The following HSD11B1 variants were observed in gnomAD, a reference collection of about 807,000 sequenced individuals.
The protein encoded by HSD11B1 is hydroxysteroid 11-beta dehydrogenase 1.
Under a neutral mutation model 22.1 loss-of-function variants are expected in HSD11B1, and 15 were observed. The observed-to-expected ratio is 0.68, with a 90% confidence interval of 0.45 to 1.04. The LOEUF is 1.04. HSD11B1 is among the 50% of genes least tolerant of loss of function. HSD11B1 has a pLI of 0.00. For synonymous variants in HSD11B1, 122 were observed against 125.2 expected, an observed-to-expected ratio of 0.97 and a Z score of 0.17; for missense variants, 281 against 357.6, an observed-to-expected ratio of 0.79 and a Z score of 1.73.
chr1:209,708,433 G>A (rs954890980), intron 4 of HSD11B1, among the ~76,000 whole-genome samples: 1 of 152,192 alleles, frequency 6.6e-6, no homozygotes, highest in Non-Finnish European at 1.5e-5. Flanking sequence ...ATTGGATAAA[G>A]GGGCAGTGTG....
chr1:209,708,212 T>C (rs1463068074), intron 4 of HSD11B1, among the ~76,000 whole-genome samples: 1 of 152,192 alleles, frequency 6.6e-6, no homozygotes, highest in African/African-American at 2.4e-5. Context: ...CACATCTTTG[T>C]TGATTAGTCA....
chr1:209,702,785 G>A (rs1441507594), upstream of HSD11B1, among the ~76,000 whole-genome samples: 1 of 152,176 alleles, frequency 6.6e-6, no homozygotes, highest in Non-Finnish European at 1.5e-5. Flanking sequence ...GAGTATACAA[G>A]GGTCCTGAGA....
At chr1:209,714,680 T>C (rs2076919480) in intron 4 of HSD11B1, among the ~76,000 whole-genome samples, 2 of 152,166 alleles carry the variant, frequency 1.3e-5, no homozygotes, top group Non-Finnish European at 2.9e-5. Context: ...GTCTGATGCA[T>C]TGTCGAGCAT....
chr1:209,718,690 A>G (rs74636431), intron 4 of HSD11B1, among the ~76,000 whole-genome samples: 5,957 of 152,256 alleles, frequency 0.039, 540 homozygotes, highest in East Asian at 0.28. Context: ...AATTTAAAAT[A>G]GAATTATCAT....
intron 4 of HSD11B1, among the ~76,000 whole-genome samples, chr1:209,711,909 A>C (rs558747195): frequency 6.6e-6 from 1 of 152,220 alleles, no homozygotes; most frequent in South Asian, 2.1e-4. Context: ...AATTTAGTGC[A>C]GGTTGAGAAT....
In HSD11B1 at chr1:209,732,660, A is replaced by G. The variant is rs538425531; in HGVS notation, c.661+81A>G. 8 of 1,183,046 alleles carry G rather than the reference A, an allele frequency of 6.8e-6. 1 individual carries two copies. In the South Asian group the frequency reaches 9.7e-5, roughly 14 times the overall value. The allele number at this position is 1,183,046 out of a possible 1,614,324, so 73.3% of individuals were successfully genotyped here. A position where few individuals can be genotyped will look rare whatever the true frequency, so the allele number is the denominator to read the frequency against. On this transcript the variant is annotated intron_variant, in intron 5 of 5. Coordinates refer to ENST00000367027, the MANE Select transcript of HSD11B1 (RefSeq NM_005525.4). ...CATGTGCAGAACATGCAGGTTTGTT[A>G]CATATGTATGCATGTGCCATGTTGG...
chr1:209,697,850 A>C (rs1177972900), intron 1 of HSD11B1, among the ~76,000 whole-genome samples: 1 of 139,224 alleles, frequency 7.2e-6, no homozygotes, highest in East Asian at 2.2e-4. Flanking sequence ...CAAATTTCAG[A>C]TAAACAATGA....
At chr1:209,729,799 T>A (rs191144357) in intron 4 of HSD11B1, among the ~76,000 whole-genome samples, 1 of 152,336 alleles carries the variant, frequency 6.6e-6, no homozygotes, top group African/African-American at 2.4e-5. Context: ...GTAGGATTCA[T>A]CTTCAAGATG....
chr1:209,704,766 C>T (rs1055048657), upstream of HSD11B1: 1 of 604,940 alleles, frequency 1.7e-6, no homozygotes, highest in Non-Finnish European at 3.0e-6. Context: ...TGGGATCCCA[C>T]CCAAAGCCAA....
chr1:209,707,238 T>C, intron 4 of HSD11B1, 110 bp downstream of exon 4: 1 of 921,474 alleles, frequency 1.1e-6, no homozygotes, highest in East Asian at 2.5e-5. Flanking sequence ...TGCAGAGAAG[T>C]AATGAGGGAT....
chr1:209,697,832 G>A (rs1204438827), intron 1 of HSD11B1, among the ~76,000 whole-genome samples: 4 of 126,540 alleles, frequency 3.2e-5, no homozygotes, highest in Middle Eastern at 5.8e-3. Flanking sequence ...AGTTCACCCA[G>A]TTAAATCCAA....
chr1:209,732,686 T>C lies in HSD11B1; in HGVS notation c.661+107T>C, dbSNP rs141471144. On this transcript the variant is annotated intron_variant, in intron 5 of 5. Transcript: ENST00000367027. ...CATATGTATGCATGTGCCATGTTGG[T>C]GTGCTGCACCCATTAACTCGTCACT... 489 of 921,810 alleles carry C rather than the reference T, an allele frequency of 5.3e-4. 13 individuals carry two copies. Among genetic ancestry groups the C allele is most frequent in the South Asian group, 5.1e-3 (387 of 75,960 alleles). The allele number at this position is 921,810 out of a possible 1,614,324, so 57.1% of individuals were successfully genotyped here.
intron 1 of HSD11B1, among the ~76,000 whole-genome samples, chr1:209,697,883 C>CTTTTTTTTTTTTT (rs1558187212): frequency 1.8e-4 from 4 of 21,912 alleles, no homozygotes; most frequent in African/African-American, 3.3e-4. Flanking sequence ...TTTGTTTTTT[C>CTTTTTTTTTTTTT]CTTTTTTTTT....
chr1:209,704,230 T>G (rs781273944), upstream of HSD11B1, among the ~76,000 whole-genome samples: 9 of 152,214 alleles, frequency 5.9e-5, no homozygotes, highest in Non-Finnish European at 1.0e-4. Context: ...TATGATCCAT[T>G]GCACTTGCCT....
intron 4 of HSD11B1, among the ~76,000 whole-genome samples, chr1:209,710,084 C>T (rs2076885684): frequency 6.6e-6 from 1 of 151,924 alleles, no homozygotes; most frequent in African/African-American, 2.4e-5. Context: ...AAAGAGAATA[C>T]CTAAATAGCA....
chr1:209,712,558 A>G (rs1461643516), intron 4 of HSD11B1, among the ~76,000 whole-genome samples: 1 of 152,218 alleles, frequency 6.6e-6, no homozygotes, highest in Non-Finnish European at 1.5e-5. Flanking sequence ...GGACTTGAGT[A>G]TCTATGGATT....
At chr1:209,729,843 G>A (rs182921326) in intron 4 of HSD11B1, among the ~76,000 whole-genome samples, 1 of 152,282 alleles carries the variant, frequency 6.6e-6, no homozygotes, top group Admixed American at 6.5e-5. Context: ...ATCAATAAAT[G>A]TGATACATCA....
At chr1:209,697,902 T>TTTTTTTTTTTTTTTTTTTTTG (rs2076801416) in intron 1 of HSD11B1, among the ~76,000 whole-genome samples, 1 of 119,924 alleles carries the variant, frequency 8.3e-6, no homozygotes, top group Non-Finnish European at 1.8e-5. Flanking sequence ...TTTTTTTTTT[T>TTTTTTTTTTTTTTTTTTTTTG]TTTTTTTTTT....
chr1:209,688,027 T>A (rs932942272), intron 1 of HSD11B1, among the ~76,000 whole-genome samples: 4 of 152,220 alleles, frequency 2.6e-5, no homozygotes, highest in African/African-American at 7.2e-5. Flanking sequence ...TTTGCTCAAA[T>A]GCACAGAGGG....
Sources: gnomAD v4.1 joint callset for allele counts (sites outside exome capture counted in the v4.1 genomes callset) on GRCh38, gnomAD v4.1.1 for gene constraint, MANE v1.5 for transcripts, NCBI Gene and HGNC (gene_info 2026-07-23, HGNC 2026-07-21) for gene names.